Variants in CEP126 observed in about 807,000 individuals in gnomAD.
CEP126 encodes the protein centrosomal protein of 126 kDa.
In CEP126, 74 loss-of-function variants were observed where a neutral mutation model predicts 107.8. That is an observed-to-expected ratio of 0.69 (90% CI 0.57 to 0.83). CEP126 has a LOEUF of 0.83. CEP126 is among the 40% of genes least tolerant of loss of function. The pLI is 0.00. For missense variants in CEP126, 1,237 were observed against 1,281.9 expected (o/e 0.96, Z 0.53); for synonymous variants, 449 against 446.0 (o/e 1.01, Z -0.08).
intron 4 of CEP126, among the ~76,000 whole-genome samples, chr11:101,952,097 G>C (rs866417784): frequency 6.6e-6 from 1 of 152,066 alleles, no homozygotes; most frequent in Non-Finnish European, 1.5e-5. Context: ...AGATGAGGAG[G>C]GTATTTATCT....
chr11:101,928,437 G>T (rs554207663), intron 2 of CEP126, among the ~76,000 whole-genome samples: 1 of 152,052 alleles, frequency 6.6e-6, no homozygotes, highest in African/African-American at 2.4e-5. Context: ...AACTCTTTGC[G>T]TAGCCCTAGG....
intron 6 of CEP126, among the ~76,000 whole-genome samples, chr11:101,968,611 CACTT>C (rs1384684921): frequency 1.3e-5 from 2 of 152,274 alleles, no homozygotes; most frequent in African/African-American, 2.4e-5. Context: ...TGCCTGGAAA[CACTT>C]AAACTATATG....
At chr11:101,964,789 A>C (rs1941040469) in intron 6 of CEP126, among the ~76,000 whole-genome samples, 1 of 152,230 alleles carries the variant, frequency 6.6e-6, no homozygotes, top group Admixed American at 6.5e-5. Context: ...AGGACAAGGA[A>C]TAGGATCTGA....
intron 9 of CEP126, 60 bp from the exon 10 acceptor site, chr11:101,992,718 A>G (rs1941399480): frequency 1.1e-6 from 1 of 927,946 alleles, no homozygotes; most frequent in East Asian, 3.1e-5. Context: ...TTCTTTAGTC[A>G]TTCTTCTATT....
At position 101,963,524 on chromosome 11, in the gene CEP126, A is replaced by G; in HGVS notation, c.2489A>G (p.Gln830Arg). ...CAACCAGTAACTCCTGAAAATCCTC[A>G]AAACATTATTACACATAACTCTTTT... Reference protein sequence around the residue: ...QCQPVTPENPQNIITHNSFNS... With the variant: ...QCQPVTPENPRNIITHNSFNS... Residue 830 changes from glutamine to arginine, a missense_variant, in exon 6 of 11, where the codon CAA becomes CGA. Transcript: ENST00000263468. 2.5e-6 allele frequency: 4 copies of G among 1,614,052 alleles called. No homozygotes were observed. Among genetic ancestry groups the G allele is most frequent in the Non-Finnish European group, 3.4e-6 (4 of 1,179,938 alleles).
In CEP126 at chr11:101,997,596, C is replaced by A. The variant is rs1941457080; in HGVS notation, c.3310-3C>A. ...ATGCTTGTTTCTTCTTTCTGATTTC[C>A]AGGAGAAGAGAGAAGATAGAACCAG... On this transcript the variant is annotated splice_polypyrimidine_tract_variant and splice_region_variant and intron_variant, in intron 10 of 10. Coordinates refer to ENST00000263468, the MANE Select transcript of CEP126 (RefSeq NM_020802.4). 1 of 1,613,826 alleles carries A rather than the reference C, an allele frequency of 6.2e-7. No homozygotes were observed. The highest frequency in any genetic ancestry group is 8.5e-7 in the Non-Finnish European group (1 of 1,179,918).
At chr11:101,965,279 T>C (rs939126276) in intron 6 of CEP126, among the ~76,000 whole-genome samples, 1 of 152,162 alleles carries the variant, frequency 6.6e-6, no homozygotes, top group Non-Finnish European at 1.5e-5. Flanking sequence ...TCCAAAGGTA[T>C]GAATAAATAT....
chr11:101,946,525 A>G (rs1940738875), intron 3 of CEP126, among the ~76,000 whole-genome samples: 4 of 151,008 alleles, frequency 2.6e-5, no homozygotes, highest in Non-Finnish European at 3.0e-5. Context: ...TAAATAAATA[A>G]ATAGATATAA....
In CEP126 at chr11:101,962,847, A is replaced by G; in HGVS notation, c.1812A>G (p.Gln604=). The G allele has an allele frequency of 4.4e-6, 7 of 1,604,208 alleles. No individual in the cohort carries two copies. Among genetic ancestry groups the G allele is most frequent in the Non-Finnish European group, 5.9e-6 (7 of 1,177,694 alleles). ...IINQSFKFGN[Q]KAAAIRDSIE... is the part of the protein sequence containing the mutation. ...ATCAGAGCTTTAAGTTTGGAAATCA[A>G]AAAGCAGCAGCTATCAGAGATAGTA... The change falls in exon 6 of 11, where the codon CAA becomes CAG. Residue 604 remains glutamine (Q), a synonymous_variant. Coordinates refer to ENST00000263468, the MANE Select transcript of CEP126 (RefSeq NM_020802.4).
chr11:101,959,151 T>C (rs187428154), intron 5 of CEP126, among the ~76,000 whole-genome samples: 2 of 152,168 alleles, frequency 1.3e-5, no homozygotes, highest in East Asian at 3.9e-4. Context: ...TTTTCTTTTT[T>C]CCTTTTTTTT....
intron 1 of CEP126, 39 bp from the exon 2 acceptor site, chr11:101,922,602 A>C: frequency 6.6e-7 from 1 of 1,517,186 alleles, no homozygotes; most frequent in Non-Finnish European, 9.1e-7. Context: ...CATCCACTAA[A>C]GATGTAGACC....
intron 6 of CEP126, among the ~76,000 whole-genome samples, chr11:101,975,052 A>G (rs1941177204): frequency 6.6e-6 from 1 of 152,228 alleles, no homozygotes; most frequent in Non-Finnish European, 1.5e-5. Flanking sequence ...GATAAAGATG[A>G]GGACTTCTCA....
At position 101,971,360 on chromosome 11, in the gene CEP126, T is replaced by C. The variant is rs557961986; in HGVS notation, c.2846-6987T>C. 1.1e-3 allele frequency among the ~76,000 whole-genome samples: 172 copies of C among 152,302 alleles called. 1 individual carries two copies. Among genetic ancestry groups the C allele is most frequent in the African/African-American group, 4.0e-3 (166 of 41,562 alleles). ...AAATAGTACATTGATCTATACAGTT[T>C]GTGGATGGCACAGAGTATCAAAGGA... On this transcript the variant is annotated intron_variant, in intron 6 of 10. Transcript: ENST00000263468.
chr11:101,915,165 C>T lies in CEP126; in HGVS notation c.-120C>T. ...GGCTGTCGAGGCCAACCCTTCCGCG[C>T]CCGTGACGCGGGGCCTGAGAGACGG... On this transcript the variant is annotated 5_prime_UTR_variant, in exon 1 of 11. Coordinates refer to ENST00000263468, the MANE Select transcript of CEP126 (RefSeq NM_020802.4). 6.8e-7 allele frequency: 1 copy of T among 1,470,370 alleles called. No individual in the cohort carries two copies. The highest frequency in any genetic ancestry group is 2.3e-5 in the East Asian group (1 of 43,020). The allele number at this position is 1,470,370 out of a possible 1,614,324, so 91.1% of individuals were successfully genotyped here.
intron 7 of CEP126, among the ~76,000 whole-genome samples, chr11:101,981,325 G>A (rs376435392): frequency 4.5e-4 from 68 of 151,878 alleles, no homozygotes; most frequent in Admixed American, 6.6e-4. Context: ...ACAGAGTCTC[G>A]CTCTGTCACC....
intron 2 of CEP126, among the ~76,000 whole-genome samples, chr11:101,932,608 T>C (rs994030168): frequency 2.4e-4 from 36 of 152,278 alleles, no homozygotes; most frequent in African/African-American, 8.2e-4. Flanking sequence ...TTTTTTTCCC[T>C]CTCAATTCAG....
intron 2 of CEP126, among the ~76,000 whole-genome samples, chr11:101,926,479 G>C (rs1255520622): frequency 6.6e-6 from 1 of 152,210 alleles, no homozygotes; most frequent in Admixed American, 6.5e-5. Flanking sequence ...AGAAATCAAA[G>C]ATGCTGTTGA....
intron 2 of CEP126, among the ~76,000 whole-genome samples, chr11:101,939,044 A>G (rs529325802): frequency 2.0e-5 from 3 of 152,286 alleles, no homozygotes; most frequent in African/African-American, 7.2e-5. Context: ...ATTGTTGGGT[A>G]TAAATTATTA....
rs369944398 is a variant in CEP126 at position 101,997,665 on chromosome 11, A to G, written c.*22A>G. On this transcript the variant is annotated 3_prime_UTR_variant, in exon 11 of 11. Coordinates refer to ENST00000263468, the MANE Select transcript of CEP126 (RefSeq NM_020802.4). ...ATAATTCCAGCAGAATCCGTCTAAG[A>G]AGACCTTTCATGTACTTCCCTAGGA... 6.2e-6 allele frequency: 10 copies of G among 1,613,762 alleles called. No individual in the cohort carries two copies. The African/African-American group carries it at 9.3e-5, about 15-fold the overall frequency.
Sources: allele counts gnomAD v4.1 joint callset (sites outside exome capture counted in the v4.1 genomes callset), GRCh38; gene constraint gnomAD v4.1.1; transcripts MANE v1.5; gene names NCBI Gene and HGNC (gene_info 2026-07-23, HGNC 2026-07-21).